The following CEP250 variants were observed in gnomAD, a reference collection of about 807,000 sequenced individuals.
CEP250 encodes centrosomal protein 250.
A neutral mutation model predicts 315.7 loss-of-function variants in CEP250; 242 were observed. That is an observed-to-expected ratio of 0.77 (90% CI 0.69 to 0.85). CEP250 has a LOEUF of 0.85. Ranked by LOEUF, CEP250 falls within the 40% of genes least tolerant of loss-of-function variation. CEP250 has a pLI of 0.00. For missense variants in CEP250, 2,515 were observed against 2,886.4 expected, an observed-to-expected ratio of 0.87 and a Z score of 2.95; for synonymous variants, 1,088 against 1,175.0, an observed-to-expected ratio of 0.93 and a Z score of 1.51.
At chr20:35,510,646 C>T (rs1449111843) in intron 34 of CEP250, among the ~76,000 whole-genome samples, 1 of 152,208 alleles carries the variant, frequency 6.6e-6, no homozygotes. Flanking sequence ...GACTCTGTAG[C>T]TAGACCTAAG....
chr20:35,498,387 G>A (rs1253173375), intron 26 of CEP250, among the ~76,000 whole-genome samples: 5 of 152,298 alleles, frequency 3.3e-5, no homozygotes, highest in South Asian at 4.1e-4. Context: ...TATTAAGTGC[G>A]TAATAAGTGA....
At position 35,496,668 on chromosome 20, in the gene CEP250, C is replaced by T; in HGVS notation, c.3259C>T (p.Gln1087Ter). The T allele has an allele frequency of 1.2e-6, 2 of 1,614,110 alleles. No homozygotes were observed. The highest frequency in any genetic ancestry group is 1.7e-6 in the Non-Finnish European group (2 of 1,180,018). The stretch of plus-strand genomic sequence containing the variant: ...ACAACAAGAGCTGAGTGCCCTGCGC[C>T]AGGACATGCAGGAGGCCCAGGGAGA... ...IRQQELSALR[Q>*]DMQEAQGEQK... Residue 1087 changes from glutamine (Q) to a stop codon, truncating the protein, a stop_gained, in exon 25 of 35, where the codon CAG becomes TAG. Transcript: ENST00000397527. LOFTEE classifies it high-confidence loss of function.
At chr20:35,469,080 G>A (rs1168075213) in intron 9 of CEP250, among the ~76,000 whole-genome samples, 1 of 152,144 alleles carries the variant, frequency 6.6e-6, no homozygotes, top group Non-Finnish European at 1.5e-5. Flanking sequence ...TTTGCTGAGT[G>A]AGGAGGATCA....
chr20:35,475,345 A>AT (rs1331821689), intron 14 of CEP250, among the ~76,000 whole-genome samples, 157 bp from the exon 15 acceptor site: 1 of 151,990 alleles, frequency 6.6e-6, no homozygotes. Flanking sequence ...CTGCACCTTG[A>AT]TTTTTTTCAC....
At chr20:35,469,770 T>G in intron 9 of CEP250, 120 bp from the exon 10 acceptor site, 3 of 557,364 alleles carry the variant, frequency 5.4e-6, no homozygotes, top group Non-Finnish European at 9.4e-6. Context: ...GCCTAAGGGA[T>G]TTGGGGGAGG....
Position 35,466,020 on chromosome 20 carries a change from T to C in CEP250, c.327-19T>C, listed in dbSNP as rs1459938271. The C allele has an allele frequency of 1.9e-6, 3 of 1,613,944 alleles. No individual in the cohort carries two copies. In the South Asian group the frequency reaches 3.3e-5, roughly 18 times the overall value. On this transcript the variant is annotated intron_variant, in intron 6 of 34. Transcript: ENST00000397527. Reference sequence around the variant, plus strand: ...CTAGACCTTTATTTTGCACCCACTTTTACCCCTCCCCAGTGCAGGTGTGAG... The same window carrying C: ...CTAGACCTTTATTTTGCACCCACTTCTACCCCTCCCCAGTGCAGGTGTGAG...
chr20:35,472,920 C>T, intron 12 of CEP250, 89 bp downstream of exon 12: 1 of 1,343,896 alleles, frequency 7.4e-7, no homozygotes, highest in Non-Finnish European at 1.0e-6. Context: ...TGGACTATCC[C>T]TTTCACTTTT....
chr20:35,461,407 A>C (rs2062752737), intron 3 of CEP250, among the ~76,000 whole-genome samples: 1 of 152,196 alleles, frequency 6.6e-6, no homozygotes, highest in Admixed American at 6.5e-5. Context: ...CTTTACCACC[A>C]TGCCTTCCCC....
At chr20:35,498,824 A>G (rs1291611972) in intron 27 of CEP250, 108 bp downstream of exon 27, 7 of 1,337,048 alleles carry the variant, frequency 5.2e-6, no homozygotes, top group Non-Finnish European at 7.0e-6. Context: ...TCAAGTTGGG[A>G]TGAGTTTCAC....
chr20:35,465,641 A>C (rs2146701810), intron 5 of CEP250, 102 bp from the exon 6 acceptor site: 5 of 763,862 alleles, frequency 6.5e-6, no homozygotes, highest in African/African-American at 1.8e-5. Flanking sequence ...AAGGGGAGAA[A>C]GAATAAAAAG....
At chr20:35,464,806 C>A (rs1177500954) in intron 5 of CEP250, among the ~76,000 whole-genome samples, 3 of 152,034 alleles carry the variant, frequency 2.0e-5, no homozygotes, top group Admixed American at 2.0e-4. Flanking sequence ...CCTGTAATCC[C>A]AGCTACTCGG....
At position 35,462,454 on chromosome 20, in the gene CEP250, G is replaced by A. The variant is rs779765417; in HGVS notation, c.87G>A (p.Gln29=). Residue 29 remains glutamine, a synonymous_variant, in exon 4 of 35, where the codon CAG becomes CAA. Transcript: ENST00000397527. ...VLEEQVLALQ[Q]QMAENQAASW... ...AAGAGCAGGTGCTGGCACTACAGCA[G>A]CAGATGGCAGAGAATCAGGCAGCCT... 4 of 1,607,024 alleles carry A rather than the reference G, an allele frequency of 2.5e-6. No individual in the cohort carries two copies. The highest frequency in any genetic ancestry group is 1.1e-5 in the South Asian group (1 of 89,716).
At position 35,497,793 on chromosome 20, in the gene CEP250, G is replaced by A. The variant is rs151074856; in HGVS notation, c.3381G>A (p.Glu1127=). Residue 1127 remains glutamate, a synonymous_variant, in exon 26 of 35, where the codon GAG becomes GAA. Transcript: ENST00000397527. Reference sequence around the variant, plus strand: ...CCCAGGAAGCACAGCTGCTGGAGGAGCTGGAGGCGTCTCATATCACGGAGC... The same window carrying A: ...CCCAGGAAGCACAGCTGCTGGAGGAACTGGAGGCGTCTCATATCACGGAGC... The part of the protein sequence containing the change: ...FLAQEAQLLE[E]LEASHITEQQ... 1,439 of 1,560,882 alleles carry A rather than the reference G, an allele frequency of 9.2e-4. 4 individuals are homozygous for A. The African/African-American group carries it at 0.018, about 19-fold the overall frequency.
chr20:35,473,540 ACT>A lies in CEP250; in HGVS notation c.1382_1383del (p.Leu461GlnfsTer80), dbSNP rs765161814. 1 of 1,611,982 alleles carries A rather than the reference ACT, an allele frequency of 6.2e-7. No individual in the cohort carries two copies. The highest frequency in any genetic ancestry group is 1.1e-5 in the South Asian group (1 of 90,804). ...ACTGTGGACCTCCAGGGAGAGGTGG[ACT>A]CTCTCAGCAAGTGAGCAGACGGGCT... On this transcript the variant is annotated frameshift_variant, in exon 13 of 35. Coordinates refer to ENST00000397527, the MANE Select transcript of CEP250 (RefSeq NM_007186.6). LOFTEE classifies it high-confidence loss of function.
At chr20:35,475,432 A>G (rs2063143388) in intron 14 of CEP250, 70 bp from the exon 15 acceptor site, 2 of 1,489,122 alleles carry the variant, frequency 1.3e-6, no homozygotes, top group South Asian at 1.2e-5. Context: ...AGGTGATTAT[A>G]TTCCTGTTAC....
At position 35,511,593 on chromosome 20, in the gene CEP250, C is replaced by T. The variant is rs112262207; in HGVS notation, c.7296C>T (p.Pro2432=). The T allele has an allele frequency of 5.0e-5, 81 of 1,613,122 alleles. 1 individual carries two copies. In the African/African-American group the frequency reaches 5.5e-4, roughly 11 times the overall value. Residue 2432 remains proline, a synonymous_variant, in exon 35 of 35, where the codon CCC becomes CCT. Coordinates refer to ENST00000397527, the MANE Select transcript of CEP250 (RefSeq NM_007186.6). Reference sequence around the variant, plus strand: ...CCCCAGGGCCAGTCCTGCTACACCCCAGCCCCAGCACTACCCAAGCCGCCT... The same window carrying T: ...CCCCAGGGCCAGTCCTGCTACACCCTAGCCCCAGCACTACCCAAGCCGCCT... The part of the protein sequence containing the change: ...LTSPGPVLLH[P]SPSTTQAASR
intron 10 of CEP250, 193 bp downstream of exon 10, chr20:35,470,179 C>T: frequency 1.7e-6 from 1 of 605,254 alleles, no homozygotes; most frequent in South Asian, 2.1e-5. Flanking sequence ...TATTGACTGT[C>T]TACTATCCCT....
chr20:35,509,599 T>C (rs544207951), intron 33 of CEP250, among the ~76,000 whole-genome samples: 2 of 152,228 alleles, frequency 1.3e-5, no homozygotes, highest in South Asian at 4.1e-4. Flanking sequence ...TTATGGTGGC[T>C]GAGCACTAGA....
In CEP250 at chr20:35,504,960, A is replaced by G. The variant is rs758549298; in HGVS notation, c.6591A>G (p.Leu2197=). ...GTCTGCAGGAGGTAGCCATGTTCCT[A>G]CAAGCCTCTGTCCTGGAGCGGGACT... ...VSSLQEVAMF[L]QASVLERDSE... Residue 2197 remains leucine (L), a synonymous_variant, in exon 30 of 35, where the codon CTA becomes CTG. Transcript: ENST00000397527. 6.2e-7 allele frequency: 1 copy of G among 1,613,814 alleles called. No individual in the cohort carries two copies. Among genetic ancestry groups the G allele is most frequent in the East Asian group, 2.2e-5 (1 of 44,876 alleles).
Sources: gnomAD v4.1 joint callset for allele counts (sites outside exome capture counted in the v4.1 genomes callset) on GRCh38, gnomAD v4.1.1 for gene constraint, MANE v1.5 for transcripts, NCBI Gene and HGNC (gene_info 2026-07-23, HGNC 2026-07-21) for gene names.